AP2B1: variants seen among roughly 807,000 people sequenced by gnomAD.
AP2B1 encodes the protein adaptor related protein complex 2 subunit beta 1.
A neutral mutation model predicts 102.0 loss-of-function variants in AP2B1; 23 were observed. The observed-to-expected ratio is 0.23, with a 90% CI of 0.16 to 0.32. AP2B1 has a LOEUF of 0.32. AP2B1 is among the 10% of genes least tolerant of loss of function. The probability of loss-of-function intolerance (pLI) is 1.00; values close to 1 mark genes in which losing one functional copy is unlikely to be tolerated. For synonymous variants in AP2B1, 381 were observed against 421.2 expected (o/e 0.90, Z 1.17); for missense variants, 541 against 1,157.4 (o/e 0.47, Z 7.73).
chr17:35,685,349 T>C lies in AP2B1; in HGVS notation c.2454+2525T>C, dbSNP rs587672732. ...GTACTTTAGATTTCAGCTTCCATTC[T>C]GCCCTTTTCCCCGTATGAACAAGAA... is the stretch of plus-strand genomic sequence containing the variant. On this transcript the variant is annotated intron_variant, in intron 18 of 21. Transcript: ENST00000610402. Among the ~76,000 whole-genome samples the C allele has an allele frequency of 8.5e-5, 13 of 152,346 alleles. No individual in the cohort carries two copies. In the South Asian group the frequency reaches 2.3e-3, roughly 27 times the overall value.
rs2076400707 is a variant in AP2B1 at position 35,709,213 on chromosome 17, T to C, written c.2455-11T>C. 2.5e-6 allele frequency: 4 copies of C among 1,613,834 alleles called. No homozygotes were observed. The highest frequency in any genetic ancestry group is 1.3e-5 in the African/African-American group (1 of 74,926). On this transcript the variant is annotated splice_polypyrimidine_tract_variant and intron_variant, in intron 18 of 21. Transcript: ENST00000610402. ...CGATGTCCTCATTTGACCTTGTTGC[T>C]TTCCTGGCAGGTGGCTGTGAAAAAC...
At chr17:35,656,977 T>C (rs543788319) in intron 13 of AP2B1, among the ~76,000 whole-genome samples, 13 of 152,342 alleles carry the variant, frequency 8.5e-5, no homozygotes, top group East Asian at 5.8e-4. Flanking sequence ...TCCCAAACTC[T>C]GCTCCTGCCA....
chr17:35,604,310 T>C (rs2073589832), intron 3 of AP2B1, among the ~76,000 whole-genome samples: 1 of 152,074 alleles, frequency 6.6e-6, no homozygotes, highest in African/African-American at 2.4e-5. Flanking sequence ...GGTCTCACTA[T>C]GTTGCCCAGG....
rs2075073199 is a variant in AP2B1 at position 35,651,024 on chromosome 17, T to C, written c.1796+235T>C. On this transcript the variant is annotated intron_variant, in intron 13 of 21. Coordinates refer to ENST00000610402, the MANE Select transcript of AP2B1 (RefSeq NM_001030006.2). ...AAAATCGGTGAAAGACTCCTCTGTG[T>C]TCCAATCTAGGAGTACATTATGGCT... is the stretch of plus-strand genomic sequence containing the variant. The C allele has an allele frequency of 8.2e-6, 4 of 485,578 alleles. No homozygotes were observed. In the South Asian group the frequency reaches 1.1e-4, roughly 14 times the overall value. The allele number at this position is 485,578 out of a possible 1,614,324, so 30.1% of individuals were successfully genotyped here.
In AP2B1 at chr17:35,723,818, G is replaced by T; in HGVS notation, c.*119G>T. 1 of 724,912 alleles carries T rather than the reference G, an allele frequency of 1.4e-6. No individual in the cohort carries two copies. Among genetic ancestry groups the T allele is most frequent in the Non-Finnish European group, 2.5e-6 (1 of 405,598 alleles). The allele number at this position is 724,912 out of a possible 1,614,324, so 44.9% of individuals were successfully genotyped here. The stretch of plus-strand genomic sequence containing the variant: ...CACACTGAGGCCACCTAGCAAGGTA[G>T]TAACTAGTCTAACCTGTGCTAACAT... On this transcript the variant is annotated 3_prime_UTR_variant, in exon 22 of 22. Coordinates refer to ENST00000610402, the MANE Select transcript of AP2B1 (RefSeq NM_001030006.2).
At chr17:35,698,970 T>C (rs1424171540) in intron 18 of AP2B1, among the ~76,000 whole-genome samples, 2 of 152,222 alleles carry the variant, frequency 1.3e-5, no homozygotes, top group African/African-American at 4.8e-5. Flanking sequence ...ATCTAATCTT[T>C]AGTGTTCTGA....
intron 2 of AP2B1, among the ~76,000 whole-genome samples, chr17:35,594,984 T>C (rs1350219552): frequency 6.6e-6 from 1 of 152,228 alleles, no homozygotes. Context: ...CTTTATTTGT[T>C]GCTTAGGATC....
At chr17:35,634,374 T>A (rs2074547761) in intron 9 of AP2B1, among the ~76,000 whole-genome samples, 1 of 152,174 alleles carries the variant, frequency 6.6e-6, no homozygotes, top group Admixed American at 6.5e-5. Context: ...CAAGAATACC[T>A]ATTGGGTGAT....
At chr17:35,665,237 C>T (rs1258986796) in intron 14 of AP2B1, among the ~76,000 whole-genome samples, 2 of 151,052 alleles carry the variant, frequency 1.3e-5, no homozygotes, top group Non-Finnish European at 2.9e-5. Context: ...AGGTGATCCT[C>T]CCACCGCAGC....
intron 4 of AP2B1, 117 bp from the exon 5 acceptor site, chr17:35,608,025 T>C (rs2073744104): frequency 8.0e-7 from 1 of 1,244,190 alleles, no homozygotes; most frequent in Non-Finnish European, 1.1e-6. Context: ...GGAGCTCATG[T>C]AGAATGTATC....
chr17:35,660,036 A>T, intron 14 of AP2B1: 1 of 985,410 alleles, frequency 1.0e-6, no homozygotes, highest in Non-Finnish European at 1.2e-6. Context: ...TAAAGAGAAG[A>T]TTAATCCTCA....
Position 35,724,386 on chromosome 17 carries a change from G to A in AP2B1, c.*687G>A, listed in dbSNP as rs2085484946. On this transcript the variant is annotated 3_prime_UTR_variant, in exon 22 of 22. Transcript: ENST00000610402. ...TTTGATTGCTCTGCAGTTGGGAACGGTGATCTTCTTGAATGATGTTTCAGT... is the reference window on the plus strand; with the variant it reads ...TTTGATTGCTCTGCAGTTGGGAACGATGATCTTCTTGAATGATGTTTCAGT... The A allele has an allele frequency of 6.6e-6, 1 of 152,104 alleles. No individual in the cohort carries two copies. The highest frequency in any genetic ancestry group is 6.5e-5 in the Admixed American group (1 of 15,268). 9.4% of individuals were successfully genotyped at this position (152,104 alleles called of 1,614,324 possible).
At chr17:35,659,055 AT>A in intron 14 of AP2B1, among the ~76,000 whole-genome samples, 1 of 152,304 alleles carries the variant, frequency 6.6e-6, no homozygotes, top group East Asian at 1.9e-4. Flanking sequence ...ATCTTTAATG[AT>A]TGAAACTGAC....
chr17:35,598,194 A>C (rs749089568), intron 2 of AP2B1, 36 bp from the exon 3 acceptor site: 1 of 1,372,408 alleles, frequency 7.3e-7, no homozygotes, highest in Non-Finnish European at 1.0e-6. Flanking sequence ...AGTCTGTGGT[A>C]CTGGAACCTT....
intron 5 of AP2B1, among the ~76,000 whole-genome samples, chr17:35,611,703 A>G (rs1281250764): frequency 1.3e-5 from 2 of 152,226 alleles, no homozygotes; most frequent in Non-Finnish European, 2.9e-5. Flanking sequence ...ATCTTCAAAC[A>G]TTCAAAATTA....
chr17:35,707,256 G>A (rs1346368218), intron 18 of AP2B1, among the ~76,000 whole-genome samples: 1 of 151,198 alleles, frequency 6.6e-6, no homozygotes, highest in Non-Finnish European at 1.5e-5. Flanking sequence ...AGGTTCAAGC[G>A]ATTCTTCTGC....
intron 2 of AP2B1, chr17:35,597,028 G>C: frequency 1.6e-6 from 1 of 608,278 alleles, no homozygotes; most frequent in Non-Finnish European, 3.1e-6. Context: ...CACAGGTGGC[G>C]GCGAAGCCCC....
intron 14 of AP2B1, among the ~76,000 whole-genome samples, chr17:35,658,801 T>G (rs1166647138): frequency 1.3e-5 from 2 of 152,304 alleles, no homozygotes; most frequent in Admixed American, 1.3e-4. Context: ...TCTTCTACTT[T>G]ATGAGGAGTT....
Position 35,608,397 on chromosome 17 carries a change from T to C in AP2B1, c.525+10T>C, listed in dbSNP as rs2073755472. 1 of 1,613,674 alleles carries C rather than the reference T, an allele frequency of 6.2e-7. No homozygotes were observed. Among genetic ancestry groups the C allele is most frequent in the African/African-American group, 1.3e-5 (1 of 75,000 alleles). ...AGATTCAAATCCAATGGTAATAAGC[T>C]TCTGCTTTTACAAAGAGAGCAGTAT... On this transcript the variant is annotated intron_variant, in intron 5 of 21. Coordinates refer to ENST00000610402, the MANE Select transcript of AP2B1 (RefSeq NM_001030006.2).
Sources: gnomAD v4.1 joint callset for allele counts (sites outside exome capture counted in the v4.1 genomes callset) on GRCh38, gnomAD v4.1.1 for gene constraint, MANE v1.5 for transcripts, NCBI Gene and HGNC (gene_info 2026-07-23, HGNC 2026-07-21) for gene names.